The following NELL2 variants were observed in gnomAD, a reference collection of about 807,000 sequenced individuals.
NELL2 encodes neural EGFL like 2, also known as protein kinase C-binding protein NELL2.
In NELL2, 41 loss-of-function variants were observed where a neutral mutation model predicts 109.6. The observed-to-expected ratio is 0.37, with a 90% CI of 0.29 to 0.49. NELL2 has a LOEUF of 0.49. Ranked by LOEUF, NELL2 falls within the 20% of genes least tolerant of loss-of-function variation. The pLI, the probability that NELL2 is intolerant of heterozygous loss-of-function variation, is 0.98. For missense variants in NELL2, 900 were observed against 1,008.3 expected, an observed-to-expected ratio of 0.89 and a Z score of 1.45; for synonymous variants, 355 against 344.7, an observed-to-expected ratio of 1.03 and a Z score of -0.33.
intron 12 of NELL2, among the ~76,000 whole-genome samples, chr12:44,694,844 TG>T (rs150199829): frequency 0.058 from 8,880 of 152,252 alleles, 384 homozygotes; most frequent in Non-Finnish European, 0.09. Flanking sequence ...TCATATCTCT[TG>T]GAGCAACTTT....
intron 15 of NELL2, among the ~76,000 whole-genome samples, chr12:44,546,245 G>A (rs900637001): frequency 6.6e-6 from 1 of 152,114 alleles, no homozygotes; most frequent in Non-Finnish European, 1.5e-5. Context: ...CAATACTACA[G>A]TTTTCATATA....
rs113175856 is a variant in NELL2, at chr12:44,534,113, T to C, written c.1664-1392A>G. Reference sequence around the variant, plus strand: ...TATTTCAGTCTCATCCCCCTCCAAATTCCTGGAAGCATATATTCCTTTCAT... The same window carrying C: ...TATTTCAGTCTCATCCCCCTCCAAACTCCTGGAAGCATATATTCCTTTCAT... On this transcript the variant is annotated intron_variant, in intron 15 of 19. Transcript: ENST00000429094. Among the ~76,000 whole-genome samples the C allele has an allele frequency of 6.5e-3, 990 of 152,160 alleles. 8 individuals are homozygous for C. The highest frequency in any genetic ancestry group is 0.027 in the Middle Eastern group (8 of 294).
intron 15 of NELL2, among the ~76,000 whole-genome samples, chr12:44,562,967 C>T (rs1943522908): frequency 6.6e-6 from 1 of 152,130 alleles, no homozygotes; most frequent in Non-Finnish European, 1.5e-5. Flanking sequence ...ACATATATAC[C>T]ACTGAATACT....
intron 9 of NELL2, among the ~76,000 whole-genome samples, chr12:44,716,525 A>C (rs1938493954): frequency 6.6e-6 from 1 of 152,138 alleles, no homozygotes; most frequent in South Asian, 2.1e-4. Context: ...AACATGATTG[A>C]TTGCAAAATT....
chr12:44,827,154 T>A (rs955994328), intron 2 of NELL2, among the ~76,000 whole-genome samples: 22 of 152,018 alleles, frequency 1.4e-4, no homozygotes, highest in African/African-American at 5.1e-4. Context: ...TAACTTTTTT[T>A]AAAAAAATTA....
chr12:44,512,834 A>C (rs1941060482), intron 19 of NELL2, among the ~76,000 whole-genome samples: 1 of 152,196 alleles, frequency 6.6e-6, no homozygotes, highest in African/African-American at 2.4e-5. Context: ...GAGGATAGGA[A>C]GATGTTGGTT....
chr12:44,609,638 G>A (rs1945536771), intron 14 of NELL2, among the ~76,000 whole-genome samples: 1 of 151,974 alleles, frequency 6.6e-6, no homozygotes, highest in Admixed American at 6.6e-5. Context: ...TGTGGGATTT[G>A]AATCCCCAAA....
chr12:44,863,935 T>C (rs1944914370), intron 2 of NELL2, among the ~76,000 whole-genome samples: 1 of 152,198 alleles, frequency 6.6e-6, no homozygotes, highest in Non-Finnish European at 1.5e-5. Context: ...GGGAGTTGGC[T>C]GTAAATGTGT....
chr12:44,801,742 C>T (rs1319465057), intron 3 of NELL2, among the ~76,000 whole-genome samples: 1 of 152,102 alleles, frequency 6.6e-6, no homozygotes, highest in Non-Finnish European at 1.5e-5. Context: ...AGTGTTAACC[C>T]TTGCAATGAA....
chr12:44,861,130 A>C (rs1944829106), intron 2 of NELL2, among the ~76,000 whole-genome samples: 1 of 152,210 alleles, frequency 6.6e-6, no homozygotes, highest in South Asian at 2.1e-4. Flanking sequence ...AGAACTAAGA[A>C]AAGGCATACT....
chr12:44,598,632 C>A (rs1945064821), intron 15 of NELL2, among the ~76,000 whole-genome samples: 1 of 152,042 alleles, frequency 6.6e-6, no homozygotes, highest in African/African-American at 2.4e-5. Flanking sequence ...ACCTGAAAAT[C>A]TTTCTACATA....
chr12:44,574,338 T>A (rs1189553682), intron 15 of NELL2, among the ~76,000 whole-genome samples: 1 of 152,112 alleles, frequency 6.6e-6, no homozygotes, highest in Non-Finnish European at 1.5e-5. Flanking sequence ...CAAAAAGAGT[T>A]GAAATTTTAT....
At chr12:44,725,591 A>G (rs1592406159) in intron 9 of NELL2, among the ~76,000 whole-genome samples, 1 of 152,174 alleles carries the variant, frequency 6.6e-6, no homozygotes, top group South Asian at 2.1e-4. Context: ...TAGCAAAGAC[A>G]TGGAATCAAC....
chr12:44,743,209 T>A (rs1230777766), intron 9 of NELL2, among the ~76,000 whole-genome samples: 3 of 152,150 alleles, frequency 2.0e-5, no homozygotes, highest in Non-Finnish European at 4.4e-5. Context: ...CTAAGCTTCA[T>A]AAATGAAGGA....
rs557145226 is a variant in NELL2, at chr12:44,885,658, G to A, written c.39-9758C>T. ...TACCTAAGTGGATAAAAAGATCTAC[G>A]TGCTCACAGATACATATAGTTCTTA... is the stretch of plus-strand genomic sequence containing the variant. On this transcript the variant is annotated intron_variant, in intron 1 of 20. Transcript: ENST00000333837. Among the ~76,000 whole-genome samples, 191 of 151,896 alleles carry A rather than the reference G, an allele frequency of 1.3e-3. 2 individuals are homozygous for A. The highest frequency in any genetic ancestry group is 4.6e-3 in the African/African-American group (190 of 41,364).
At chr12:44,561,982 A>G (rs1943482199) in intron 15 of NELL2, among the ~76,000 whole-genome samples, 1 of 152,220 alleles carries the variant, frequency 6.6e-6, no homozygotes, top group Non-Finnish European at 1.5e-5. Context: ...ATATAGACCA[A>G]TGGAACAGAA....
At chr12:44,895,439 G>T (rs1283433642) in intron 1 of NELL2, among the ~76,000 whole-genome samples, 1 of 152,008 alleles carries the variant, frequency 6.6e-6, no homozygotes, top group Non-Finnish European at 1.5e-5. Flanking sequence ...ATAGTAGATT[G>T]TATTCATACT....
chr12:44,682,495 T>C (rs1339834473), intron 12 of NELL2, among the ~76,000 whole-genome samples: 3 of 152,308 alleles, frequency 2.0e-5, no homozygotes, highest in East Asian at 3.9e-4. Flanking sequence ...TCCTTGCCCA[T>C]GCCTATGTCC....
At chr12:44,775,379 C>T (rs1398146339) in intron 8 of NELL2, among the ~76,000 whole-genome samples, 1 of 151,884 alleles carries the variant, frequency 6.6e-6, no homozygotes, top group Non-Finnish European at 1.5e-5. Flanking sequence ...AGATGTCTGA[C>T]TTCTTTCCAG....
Sources: allele counts gnomAD v4.1 joint callset (sites outside exome capture counted in the v4.1 genomes callset), GRCh38; gene constraint gnomAD v4.1.1; transcripts MANE v1.5; gene names NCBI Gene and HGNC (gene_info 2026-07-23, HGNC 2026-07-21).